The following SIAH3 variants were observed in gnomAD, a reference collection of about 807,000 sequenced individuals.
SIAH3 encodes the protein seven in absentia homolog 3.
SIAH3 carries 9 observed loss-of-function variants against 12.6 expected under a neutral mutation model. The ratio of observed to expected loss-of-function variants is 0.72; its 90% CI spans 0.43 to 1.25. The LOEUF is 1.25. Ranked by LOEUF, SIAH3 falls within the 50% of genes most tolerant of loss-of-function variation. The pLI is 0.00. For missense variants in SIAH3, 390 were observed against 365.4 expected (o/e 1.07, Z -0.55); for synonymous variants, 154 against 151.1 (o/e 1.02, Z -0.14).
In SIAH3 at chr13:45,779,526, A is replaced by G. The variant is rs1437482383; in HGVS notation, c.*3857T>C. Reference sequence around the variant, plus strand: ...GGGTCCATATGTTCATAGAAATGACATGGTTGCTGTTGGTCAGAAGCCATA... The same window carrying G: ...GGGTCCATATGTTCATAGAAATGACGTGGTTGCTGTTGGTCAGAAGCCATA... On this transcript the variant is annotated 3_prime_UTR_variant, in exon 2 of 2. Transcript: ENST00000400405. The G allele has an allele frequency of 6.6e-6, 1 of 152,188 alleles. No homozygotes were observed. Among genetic ancestry groups the G allele is most frequent in the Admixed American group, 6.5e-5 (1 of 15,282 alleles). The allele number at this position is 152,188 out of a possible 1,614,324, so 9.4% of individuals were successfully genotyped here.
At chr13:45,848,838 C>G (rs751189972) in intron 1 of SIAH3, among the ~76,000 whole-genome samples, 1 of 152,138 alleles carries the variant, frequency 6.6e-6, no homozygotes, top group Admixed American at 6.5e-5. Context: ...TGGGGAAGCA[C>G]GGCAGATCAA....
intron 1 of SIAH3, among the ~76,000 whole-genome samples, chr13:45,848,949 G>A (rs1032986594): frequency 2.6e-4 from 40 of 152,146 alleles, no homozygotes; most frequent in Admixed American, 2.2e-3. Flanking sequence ...TTACGTCCAA[G>A]GCATATTTCC....
chr13:45,838,767 A>AT (rs1018358074), intron 1 of SIAH3, among the ~76,000 whole-genome samples: 5 of 151,312 alleles, frequency 3.3e-5, no homozygotes, highest in African/African-American at 1.2e-4. Context: ...TCCTTTGGTG[A>AT]TTTTCCCTCC....
intron 1 of SIAH3, among the ~76,000 whole-genome samples, chr13:45,817,125 C>G (rs1272455252): frequency 1.3e-5 from 2 of 152,244 alleles, no homozygotes; most frequent in Non-Finnish European, 2.9e-5. Flanking sequence ...TAAACATACA[C>G]GCAGACACAC....
rs543550974 is a variant in SIAH3 at position 45,813,179 on chromosome 13, A to T, written c.136-29122T>A. On this transcript the variant is annotated intron_variant, in intron 1 of 1. Transcript: ENST00000400405. Reference sequence around the variant, plus strand: ...GTACTGAGTCCCAGACCCGGTGGGAACATGGTGAGCCTGTGTCAGTACTGA... The same window carrying T: ...GTACTGAGTCCCAGACCCGGTGGGATCATGGTGAGCCTGTGTCAGTACTGA... Among the ~76,000 whole-genome samples the T allele has an allele frequency of 1.2e-4, 18 of 152,180 alleles. 1 individual carries two copies. The East Asian group carries it at 3.3e-3, about 28-fold the overall frequency.
intron 1 of SIAH3, among the ~76,000 whole-genome samples, chr13:45,827,276 G>A (rs1950682120): frequency 6.6e-6 from 1 of 152,158 alleles, no homozygotes; most frequent in Non-Finnish European, 1.5e-5. Flanking sequence ...TCAAGATGCT[G>A]GAGCTGCAGC....
intron 1 of SIAH3, among the ~76,000 whole-genome samples, chr13:45,833,024 T>C (rs558765860): frequency 6.6e-6 from 1 of 152,274 alleles, no homozygotes; most frequent in South Asian, 2.1e-4. Flanking sequence ...CTATTGCCAA[T>C]GACAGCCAGA....
chr13:45,851,469 G>T, intron 1 of SIAH3, 26 bp downstream of exon 1: 1 of 1,613,512 alleles, frequency 6.2e-7, no homozygotes, highest in Non-Finnish European at 8.5e-7. Flanking sequence ...TGAGCCCGGT[G>T]AAGGTAAAAT....
At position 45,836,534 on chromosome 13, in the gene SIAH3, G is replaced by A. The variant is rs137926897; in HGVS notation, c.135+14961C>T. Reference sequence around the variant, plus strand: ...ACGCATGAACAGAAAACCAAATACAGCATGTTTTCACTTATAAGTGGGAGC... The same window carrying A: ...ACGCATGAACAGAAAACCAAATACAACATGTTTTCACTTATAAGTGGGAGC... On this transcript the variant is annotated intron_variant, in intron 1 of 1. Transcript: ENST00000400405. 4.9e-3 allele frequency among the ~76,000 whole-genome samples: 745 copies of A among 152,280 alleles called. 8 individuals are homozygous for A. The highest frequency in any genetic ancestry group is 0.017 in the African/African-American group (722 of 41,544).
chr13:45,849,791 A>C (rs542356881), intron 1 of SIAH3, among the ~76,000 whole-genome samples: 204 of 152,350 alleles, frequency 1.3e-3, no homozygotes, highest in Middle Eastern at 6.8e-3. Context: ...TGAACCATAT[A>C]AATGCAAACT....
chr13:45,811,429 A>C (rs4942445), intron 1 of SIAH3, among the ~76,000 whole-genome samples: 5,816 of 152,282 alleles, frequency 0.038, 347 homozygotes, highest in East Asian at 0.24. Context: ...TTGAAAGGGT[A>C]CTTTTTTTGA....
intron 1 of SIAH3, among the ~76,000 whole-genome samples, chr13:45,814,171 GGAGCTTGCAGT>G (rs1465266898): frequency 3.3e-5 from 5 of 149,904 alleles, no homozygotes; most frequent in Non-Finnish European, 7.4e-5. Flanking sequence ...CCCGGGAGGC[GGAGCTTGCAGT>G]GAGCCGAGAT....
chr13:45,826,450 T>C (rs1950676998), intron 1 of SIAH3, among the ~76,000 whole-genome samples: 1 of 92,074 alleles, frequency 1.1e-5, no homozygotes, highest in African/African-American at 4.4e-5. Context: ...CATGGATGGA[T>C]GGATGGATGA....
At chr13:45,851,169 A>G (rs548464883) in intron 1 of SIAH3, among the ~76,000 whole-genome samples, 4 of 151,976 alleles carry the variant, frequency 2.6e-5, no homozygotes, top group African/African-American at 4.8e-5. Flanking sequence ...TAGTAGGGGG[A>G]GTGATGGGGA....
At chr13:45,789,387 TC>T (rs2137550383) in intron 1 of SIAH3, among the ~76,000 whole-genome samples, 2 of 35,734 alleles carry the variant, frequency 5.6e-5, no homozygotes, top group African/African-American at 2.0e-4. Flanking sequence ...TATCTATCTA[TC>T]TATCTATCTA....
intron 1 of SIAH3, among the ~76,000 whole-genome samples, chr13:45,790,481 A>G (rs796136525): frequency 6.6e-5 from 10 of 152,266 alleles, no homozygotes; most frequent in African/African-American, 9.6e-5. Context: ...AAAAAAAAAT[A>G]CATCTCAGAG....
rs1029142940 is a variant in SIAH3 at position 45,777,982 on chromosome 13, G to A, written c.*5401C>T. 4.6e-5 allele frequency: 7 copies of A among 152,226 alleles called. No homozygotes were observed. The highest frequency in any genetic ancestry group is 2.6e-4 in the Admixed American group (4 of 15,282). 9.4% of individuals were successfully genotyped at this position (152,226 alleles called of 1,614,324 possible). A position where few individuals can be genotyped will look rare whatever the true frequency, so the allele number is the denominator to read the frequency against. On this transcript the variant is annotated 3_prime_UTR_variant, in exon 2 of 2. Coordinates refer to ENST00000400405, the MANE Select transcript of SIAH3 (RefSeq NM_198849.3). ...GGAAACTGTGCCCCAGATTTAGAAA[G>A]AGTATTGGTCTGGGTAGGCTATGGA...
At chr13:45,796,858 C>A (rs1156413689) in intron 1 of SIAH3, among the ~76,000 whole-genome samples, 5 of 152,158 alleles carry the variant, frequency 3.3e-5, no homozygotes, top group African/African-American at 4.8e-5. Flanking sequence ...TCCCCTTAAG[C>A]GAGGTGGGGG....
At chr13:45,839,096 T>C (rs1950729766) in intron 1 of SIAH3, among the ~76,000 whole-genome samples, 2 of 152,010 alleles carry the variant, frequency 1.3e-5, no homozygotes, top group Non-Finnish European at 2.9e-5. Flanking sequence ...AGTTATAGAG[T>C]ATGGCCGCTA....
Sources: gnomAD v4.1 joint callset for allele counts (sites outside exome capture counted in the v4.1 genomes callset) on GRCh38, gnomAD v4.1.1 for gene constraint, MANE v1.5 for transcripts, NCBI Gene and HGNC (gene_info 2026-07-23, HGNC 2026-07-21) for gene names.